Variants in SNX13 observed in about 807,000 individuals in gnomAD.
SNX13 encodes the protein sorting nexin 13.
Under a neutral mutation model 133.6 loss-of-function variants are expected in SNX13, and 45 were observed. That is an observed-to-expected ratio of 0.34 (90% CI 0.27 to 0.43). The LOEUF (loss-of-function observed/expected upper bound fraction) is 0.43, where lower values mean the gene tolerates loss of function less well. Among genes scored for constraint, SNX13 ranks in the 20% least tolerant of loss-of-function variants. The pLI is 1.00. For missense variants in SNX13, 1,032 were observed against 1,145.1 expected, an observed-to-expected ratio of 0.90 and a Z score of 1.43; for synonymous variants, 414 against 373.9, an observed-to-expected ratio of 1.11 and a Z score of -1.24.
chr7:17,890,300 T>G, intron 5 of SNX13, 63 bp downstream of exon 5: 2 of 1,510,186 alleles, frequency 1.3e-6, no homozygotes, highest in Non-Finnish European at 8.9e-7. Context: ...AAAAGTTGTT[T>G]TCCTTACTGG....
chr7:17,821,794 C>T, intron 17 of SNX13, 146 bp from the exon 18 acceptor site: 2 of 877,590 alleles, frequency 2.3e-6, no homozygotes, highest in Middle Eastern at 3.4e-4. Context: ...CAGACTGAGA[C>T]AGAAGGATGT....
chr7:17,935,445 A>G (rs1390292129), intron 1 of SNX13, among the ~76,000 whole-genome samples: 1 of 152,196 alleles, frequency 6.6e-6, no homozygotes, highest in Non-Finnish European at 1.5e-5. Flanking sequence ...TCAATTAAAC[A>G]ACTGTCAACA....
intron 21 of SNX13, among the ~76,000 whole-genome samples, chr7:17,802,060 A>G (rs1198261463): frequency 2.0e-5 from 3 of 152,030 alleles, no homozygotes; most frequent in South Asian, 2.1e-4. Context: ...GTGTCGATAT[A>G]TTTAGATACA....
chr7:17,869,898 ACAC>A (rs1793867098), intron 8 of SNX13, among the ~76,000 whole-genome samples: 1 of 152,040 alleles, frequency 6.6e-6, no homozygotes, highest in Admixed American at 6.6e-5. Flanking sequence ...ACACACACAC[ACAC>A]ACTTTTTCCA....
intron 20 of SNX13, among the ~76,000 whole-genome samples, chr7:17,812,235 T>G (rs1168388061): frequency 1.3e-5 from 2 of 151,920 alleles, no homozygotes; most frequent in Admixed American, 1.3e-4. Flanking sequence ...GGGAGAAAAT[T>G]TTTGCAATCT....
intron 1 of SNX13, among the ~76,000 whole-genome samples, chr7:17,913,224 G>A (rs1799189683): frequency 6.6e-6 from 1 of 152,200 alleles, no homozygotes; most frequent in Non-Finnish European, 1.5e-5. Context: ...CAAAAGGAGG[G>A]ACCACCAAAA....
At chr7:17,814,594 A>G (rs927973381) in intron 20 of SNX13, among the ~76,000 whole-genome samples, 1 of 152,136 alleles carries the variant, frequency 6.6e-6, no homozygotes, top group African/African-American at 2.4e-5. Context: ...AACTTTTCTT[A>G]ATGTACCATT....
chr7:17,922,494 G>A (rs1800231075), intron 1 of SNX13, among the ~76,000 whole-genome samples: 1 of 152,218 alleles, frequency 6.6e-6, no homozygotes, highest in African/African-American at 2.4e-5. Context: ...CAGTAAGTAT[G>A]TGTTAACTAA....
chr7:17,824,875 T>C (rs1204753824), intron 17 of SNX13, among the ~76,000 whole-genome samples: 2 of 151,982 alleles, frequency 1.3e-5, no homozygotes, highest in Non-Finnish European at 2.9e-5. Context: ...GTTCAAGCGA[T>C]TCTCCTGCCT....
In SNX13 at chr7:17,796,787, G is replaced by A. The variant is rs769449488; in HGVS notation, c.2626+40C>T. 4.2e-6 allele frequency: 6 copies of A among 1,440,162 alleles called. No individual in the cohort carries two copies. In the Admixed American group the frequency reaches 5.1e-5, roughly 12 times the overall value. 89.2% of individuals were successfully genotyped at this position (1,440,162 alleles called of 1,614,324 possible). On this transcript the variant is annotated intron_variant, in intron 25 of 25. Coordinates refer to ENST00000428135, the MANE Select transcript of SNX13 (RefSeq NM_015132.5). Reference sequence around the variant, plus strand: ...ATGAATGCTAAAAACTCAGAAGAATGACAAATTATAAAGATTTTTAACTAT... The same window carrying A: ...ATGAATGCTAAAAACTCAGAAGAATAACAAATTATAAAGATTTTTAACTAT...
At position 17,891,086 on chromosome 7, in the gene SNX13, C is replaced by A. The variant is rs1796573540; in HGVS notation, c.318+460G>T. 2.0e-5 allele frequency among the ~76,000 whole-genome samples: 3 copies of A among 151,838 alleles called. No homozygotes were observed. The South Asian group carries it at 6.2e-4, about 31-fold the overall frequency. ...ATAAATGTTAAAATTCTAAAGTACA[C>A]ATTTTTATAATCATATAATCAAACA... On this transcript the variant is annotated intron_variant, in intron 4 of 25. Transcript: ENST00000428135.
chr7:17,921,358 CT>C (rs1800111188), intron 1 of SNX13, among the ~76,000 whole-genome samples: 2 of 152,172 alleles, frequency 1.3e-5, no homozygotes, highest in Non-Finnish European at 2.9e-5. Context: ...CTGTACTGTT[CT>C]TGCTTTTTCC....
chr7:17,882,614 A>G lies in SNX13; in HGVS notation c.441-6824T>C, dbSNP rs116161794. The G allele has an allele frequency of 8.5e-3, 1,548 of 181,190 alleles. 32 individuals carry two copies. Among genetic ancestry groups the G allele is most frequent in the African/African-American group, 0.035 (1,473 of 41,898 alleles). The allele number at this position is 181,190 out of a possible 1,614,324, so 11.2% of individuals were successfully genotyped here. A position where few individuals can be genotyped will look rare whatever the true frequency, so the allele number is the denominator to read the frequency against. ...TAAATTAACTCTAATTAGCAATCCT[A>G]TATACTTAAAAAAAAATAACTCCCC... On this transcript the variant is annotated intron_variant, in intron 5 of 25. Coordinates refer to ENST00000428135, the MANE Select transcript of SNX13 (RefSeq NM_015132.5).
intron 13 of SNX13, among the ~76,000 whole-genome samples, chr7:17,839,189 T>C (rs900067418): frequency 1.3e-5 from 2 of 149,358 alleles, no homozygotes; most frequent in African/African-American, 2.4e-5. Flanking sequence ...ATAGATTATA[T>C]ATATTCTATA....
intron 5 of SNX13, chr7:17,882,744 T>A: frequency 9.1e-7 from 1 of 1,101,264 alleles, no homozygotes; most frequent in Non-Finnish European, 1.1e-6. Context: ...GACCAGAGAA[T>A]CTTACTATTT....
Position 17,875,568 on chromosome 7 carries a change from A to G in SNX13, c.576T>C (p.Asp192=). The change falls in exon 7 of 26, where the codon GAT becomes GAC. Residue 192 remains aspartate (D), a synonymous_variant. Transcript: ENST00000428135. ...CAACTTCAAAGAAGGTATCTACAAG[A>G]TCTTCTGCTGTACCTAAAGAAAAAC... The part of the protein sequence containing the change: ...KDDQVKGTAE[D]LVDTFFEVEV... 6.2e-7 allele frequency: 1 copy of G among 1,612,072 alleles called. No individual in the cohort carries two copies. The highest frequency in any genetic ancestry group is 1.1e-5 in the South Asian group (1 of 90,910).
chr7:17,925,180 C>T (rs1429556662), intron 1 of SNX13, among the ~76,000 whole-genome samples: 1 of 152,176 alleles, frequency 6.6e-6, no homozygotes, highest in Non-Finnish European at 1.5e-5. Flanking sequence ...TGCCACTGCA[C>T]TACAGCCTGA....
intron 13 of SNX13, among the ~76,000 whole-genome samples, chr7:17,835,731 T>C (rs1789059422): frequency 6.6e-6 from 1 of 151,716 alleles, no homozygotes; most frequent in African/African-American, 2.4e-5. Flanking sequence ...GGTAGATAAA[T>C]CAAGAAAGGA....
intron 11 of SNX13, among the ~76,000 whole-genome samples, chr7:17,847,459 G>C (rs950263777): frequency 6.6e-6 from 1 of 152,130 alleles, no homozygotes; most frequent in Non-Finnish European, 1.5e-5. Flanking sequence ...AGTCTCCCGA[G>C]TAGCTCGGAT....
Sources: gnomAD v4.1 joint callset for allele counts (sites outside exome capture counted in the v4.1 genomes callset) on GRCh38, gnomAD v4.1.1 for gene constraint, MANE v1.5 for transcripts, NCBI Gene and HGNC (gene_info 2026-07-23, HGNC 2026-07-21) for gene names.